WDR64: variants seen among roughly 807,000 people sequenced by gnomAD.
The protein encoded by WDR64 is WD repeat-containing protein 64.
Under a neutral mutation model 139.3 loss-of-function variants are expected in WDR64, and 112 were observed. The ratio of observed to expected loss-of-function variants is 0.80; its 90% CI spans 0.69 to 0.94. The LOEUF (loss-of-function observed/expected upper bound fraction) is 0.94. Among genes scored for constraint, WDR64 ranks in the 40% least tolerant of loss-of-function variants. WDR64 has a pLI of 0.00. For missense variants in WDR64, 1,206 were observed against 1,293.1 expected (o/e 0.93, Z 1.03); for synonymous variants, 444 against 437.7 (o/e 1.01, Z -0.18).
intron 13 of WDR64, among the ~76,000 whole-genome samples, chr1:241,748,168 G>T (rs1001550281): frequency 6.6e-6 from 1 of 152,308 alleles, no homozygotes; most frequent in African/African-American, 2.4e-5. Flanking sequence ...CCCTCCTGCT[G>T]ATACTGTAGA....
chr1:241,749,561 TG>T lies in WDR64; in HGVS notation c.1612del (p.Asp538ThrfsTer8). On this transcript the variant is annotated frameshift_variant, in exon 14 of 28. Transcript: ENST00000437684. LOFTEE classifies it high-confidence loss of function. ...TGTATGCTCAGGAACAGTCAGAATCTGGGACTTTGGCAGTGGGCAGGAGATG... is the reference window on the plus strand; with the variant it reads ...TGTATGCTCAGGAACAGTCAGAATCTGGACTTTGGCAGTGGGCAGGAGATG... ...TGAYNGTVRI[W>X]DFGSGQEMKV... 6.2e-7 allele frequency: 1 copy of T among 1,614,124 alleles called. No homozygotes were observed. Among genetic ancestry groups the T allele is most frequent in the South Asian group, 1.1e-5 (1 of 91,078 alleles).
chr1:241,795,749 T>C (rs996457782), intron 26 of WDR64, among the ~76,000 whole-genome samples: 72 of 152,172 alleles, frequency 4.7e-4, no homozygotes, highest in African/African-American at 1.6e-3. Context: ...TCAAAATCCC[T>C]ACTCATCCTT....
intron 5 of WDR64, among the ~76,000 whole-genome samples, chr1:241,679,126 G>C (rs1034125291): frequency 6.6e-6 from 1 of 152,120 alleles, no homozygotes; most frequent in Non-Finnish European, 1.5e-5. Flanking sequence ...GACAGGGCTC[G>C]AGAGCTCGCT....
chr1:241,721,404 A>G (rs1398005990), intron 9 of WDR64, among the ~76,000 whole-genome samples: 1 of 152,194 alleles, frequency 6.6e-6, no homozygotes, highest in Non-Finnish European at 1.5e-5. Flanking sequence ...TAGGTTATAC[A>G]TAAATTATAA....
rs145119417 is a variant in WDR64, at chr1:241,678,613, G to A, written c.513+397G>A. Among the ~76,000 whole-genome samples, 46 of 152,220 alleles carry A rather than the reference G, an allele frequency of 3.0e-4. No homozygotes were observed. In the East Asian group the frequency reaches 7.5e-3, roughly 25 times the overall value. ...TTTAAAGTTGAAAATAACATTAAAAGTTTGAGTACAATTTTGTGATTTATT... is the reference window on the plus strand; with the variant it reads ...TTTAAAGTTGAAAATAACATTAAAAATTTGAGTACAATTTTGTGATTTATT... On this transcript the variant is annotated intron_variant, in intron 5 of 27. Transcript: ENST00000437684.
At chr1:241,793,162 A>T (rs1179291614) in intron 25 of WDR64, among the ~76,000 whole-genome samples, 2 of 152,270 alleles carry the variant, frequency 1.3e-5, no homozygotes. Flanking sequence ...TGTAACAGTC[A>T]AAAATAGGCA....
intron 27 of WDR64, among the ~76,000 whole-genome samples, chr1:241,799,219 AAAAAT>A (rs1342333157): frequency 3.0e-5 from 4 of 133,234 alleles, no homozygotes; most frequent in African/African-American, 1.1e-4. Context: ...AAAAAAAAAA[AAAAAT>A]ACAAAAATTA....
chr1:241,768,753 A>T (rs1459866451), intron 16 of WDR64, among the ~76,000 whole-genome samples: 2 of 152,154 alleles, frequency 1.3e-5, no homozygotes, highest in African/African-American at 2.4e-5. Context: ...GTTTCAGTGC[A>T]GGCATTTAGG....
At chr1:241,688,331 G>T (rs1180876398) in intron 8 of WDR64, among the ~76,000 whole-genome samples, 2 of 152,118 alleles carry the variant, frequency 1.3e-5, no homozygotes, top group Admixed American at 1.3e-4. Context: ...TGATGAAAAT[G>T]TTCTAAACTT....
At chr1:241,782,245 G>C (rs964966055) in intron 22 of WDR64, among the ~76,000 whole-genome samples, 1 of 152,158 alleles carries the variant, frequency 6.6e-6, no homozygotes, top group African/African-American at 2.4e-5. Context: ...CCGAGATCGC[G>C]CCACCGCACT....
At position 241,749,545 on chromosome 1, in the gene WDR64, AG is replaced by A. The variant is rs765200569; in HGVS notation, c.1595del. On this transcript the variant is annotated splice_acceptor_variant, in intron 13 of 27. Transcript: ENST00000437684. LOFTEE classifies it high-confidence loss of function. ...ACATAGTCTTTTTCTCTGTATGCTCAGGAACAGTCAGAATCTGGGACTTTGG... is the reference window on the plus strand; with the variant it reads ...ACATAGTCTTTTTCTCTGTATGCTCAGAACAGTCAGAATCTGGGACTTTGG... 2 of 1,613,958 alleles carry A rather than the reference AG, an allele frequency of 1.2e-6. No individual in the cohort carries two copies. The highest frequency in any genetic ancestry group is 1.7e-6 in the Non-Finnish European group (2 of 1,179,892).
intron 3 of WDR64, 112 bp downstream of exon 3, chr1:241,671,288 A>G (rs1411355083): frequency 1.3e-6 from 1 of 748,824 alleles, no homozygotes; most frequent in Non-Finnish European, 2.1e-6. Context: ...TTTGTTCAAT[A>G]CTTTATCACT....
intron 26 of WDR64, 86 bp downstream of exon 26, chr1:241,795,373 G>A (rs1324862624): frequency 8.0e-7 from 1 of 1,253,346 alleles, no homozygotes; most frequent in African/African-American, 1.5e-5. Flanking sequence ...ACCAAGCAAG[G>A]TTGGAGAAAA....
chr1:241,753,682 C>T (rs764679109), intron 14 of WDR64, among the ~76,000 whole-genome samples: 4 of 151,940 alleles, frequency 2.6e-5, no homozygotes, highest in African/African-American at 7.3e-5. Flanking sequence ...CCCGACTGGG[C>T]GACAGAGCAA....
At chr1:241,658,329 A>C (rs1054704853) in intron 1 of WDR64, among the ~76,000 whole-genome samples, 5 of 147,676 alleles carry the variant, frequency 3.4e-5, no homozygotes, top group African/African-American at 1.3e-4. Context: ...GTTTACATAG[A>C]GTTTAAGAAC....
At chr1:241,744,361 G>A (rs936760990) in intron 12 of WDR64, 32 bp from the exon 13 acceptor site, 3 of 1,611,552 alleles carry the variant, frequency 1.9e-6, no homozygotes, top group Non-Finnish European at 2.5e-6. Flanking sequence ...TTCTTCAAAC[G>A]GATTACTTGA....
chr1:241,790,717 AAAAAG>A (rs769682712), intron 25 of WDR64, 21 bp downstream of exon 25: 276 of 1,537,870 alleles, frequency 1.8e-4, no homozygotes, highest in Non-Finnish European at 2.2e-4. Flanking sequence ...AAAAAAAAAA[AAAAAG>A]AAATGGCAAC....
chr1:241,730,619 A>G (rs1199291350), intron 10 of WDR64, among the ~76,000 whole-genome samples: 1 of 152,072 alleles, frequency 6.6e-6, no homozygotes, highest in Non-Finnish European at 1.5e-5. Flanking sequence ...GTTCCCTTGC[A>G]TTGTTTCTTG....
At chr1:241,796,143 G>C in intron 26 of WDR64, 114 bp from the exon 27 acceptor site, 2 of 513,214 alleles carry the variant, frequency 3.9e-6, no homozygotes, top group South Asian at 4.5e-5. Flanking sequence ...GGGAAGAAGG[G>C]GGGTGTGTAT....
Sources: gnomAD v4.1 joint callset for allele counts (sites outside exome capture counted in the v4.1 genomes callset) on GRCh38, gnomAD v4.1.1 for gene constraint, MANE v1.5 for transcripts, NCBI Gene and HGNC (gene_info 2026-07-23, HGNC 2026-07-21) for gene names.